GPC3: variants seen among roughly 807,000 people sequenced by gnomAD.
The protein encoded by GPC3 is glypican 3, also known as glypican-3.
GPC3 carries 3 observed loss-of-function variants against 34.4 expected under a neutral mutation model. The observed-to-expected ratio is 0.09, with a 90% CI of 0.04 to 0.23. The LOEUF is 0.23. Among genes scored for constraint, GPC3 ranks in the 10% least tolerant of loss-of-function variants. The pLI, the probability that GPC3 is intolerant of heterozygous loss-of-function variation, is 1.00. For synonymous variants in GPC3, 177 were observed against 174.0 expected, an observed-to-expected ratio of 1.02 and a Z score of -0.13; for missense variants, 351 against 445.6, an observed-to-expected ratio of 0.79 and a Z score of 1.91.
intron 2 of GPC3, among the ~76,000 whole-genome samples, chrX:133,932,527 A>C (rs2076302979): frequency 8.9e-6 from 1 of 111,854 alleles, no homozygotes; most frequent in Admixed American, 9.5e-5. Flanking sequence ...ATATTATTAA[A>C]TCTAAGAATC....
At chrX:133,789,296 C>T (rs182992064) in intron 2 of GPC3, among the ~76,000 whole-genome samples, 10 of 111,949 alleles carry the variant, frequency 8.9e-5, no homozygotes, top group African/African-American at 3.2e-4. Context: ...AACCTGGAAG[C>T]ATTACCCAGT....
At chrX:133,744,392 C>T (rs1027284161) in intron 3 of GPC3, among the ~76,000 whole-genome samples, 2 of 112,499 alleles carry the variant, frequency 1.8e-5, no homozygotes. Flanking sequence ...ATTTATGTGG[C>T]CAACAAACAT....
intron 7 of GPC3, among the ~76,000 whole-genome samples, chrX:133,585,820 C>CA (rs768502243): frequency 8.9e-6 from 1 of 112,441 alleles, no homozygotes; most frequent in East Asian, 2.8e-4. Flanking sequence ...AACTGGCCAA[C>CA]ATGGCTTCTG....
Position 133,787,570 on chromosome X carries a change from G to A in GPC3, c.338-33394C>T, listed in dbSNP as rs191550345. 5.2e-3 allele frequency among the ~76,000 whole-genome samples: 588 copies of A among 112,189 alleles called. 20 individuals are homozygous for A. The highest frequency in any genetic ancestry group is 0.05 in the Admixed American group (535 of 10,616). On this transcript the variant is annotated intron_variant, in intron 2 of 7. Transcript: ENST00000370818. ...AGTTTTGAATAGAATGGACTAAACA[G>A]AGAGTGGCAGGTCCCCCAGGGGCCC... is the stretch of plus-strand genomic sequence containing the variant.
chrX:133,760,034 G>T (rs1325161983), intron 2 of GPC3, among the ~76,000 whole-genome samples: 1 of 111,610 alleles, frequency 9.0e-6, no homozygotes, highest in African/African-American at 3.2e-5. Flanking sequence ...ACTAGAAAAA[G>T]ATATTCAATA....
At chrX:133,594,081 A>T (rs1198680679) in intron 7 of GPC3, among the ~76,000 whole-genome samples, 1 of 110,783 alleles carries the variant, frequency 9.0e-6, no homozygotes, top group African/African-American at 3.3e-5. Context: ...GGGCAACAAG[A>T]GCCAAACTCC....
intron 5 of GPC3, among the ~76,000 whole-genome samples, chrX:133,682,434 T>C (rs999438402): frequency 9.0e-6 from 1 of 111,601 alleles, no homozygotes; most frequent in Non-Finnish European, 1.9e-5. Flanking sequence ...GGAAGAAACA[T>C]GGCCCACACC....
intron 6 of GPC3, among the ~76,000 whole-genome samples, chrX:133,636,559 C>T (rs1350713785): frequency 2.7e-5 from 3 of 112,088 alleles, no homozygotes; most frequent in East Asian, 2.8e-4. Flanking sequence ...CCCAGGTATT[C>T]GGGAGACTGA....
intron 6 of GPC3, among the ~76,000 whole-genome samples, chrX:133,603,152 A>G (rs1291411267): frequency 9.1e-6 from 1 of 109,548 alleles, no homozygotes; most frequent in Non-Finnish European, 1.9e-5. Flanking sequence ...GTTAAAAAAA[A>G]AAAAAAAAGA....
intron 4 of GPC3, among the ~76,000 whole-genome samples, chrX:133,696,691 A>G (rs1456174623): frequency 8.9e-6 from 1 of 111,842 alleles, no homozygotes; most frequent in East Asian, 2.8e-4. Flanking sequence ...TTCCTAGGGG[A>G]AAAAAAAGAG....
chrX:133,844,807 G>A (rs767759808), intron 2 of GPC3, among the ~76,000 whole-genome samples: 2 of 111,594 alleles, frequency 1.8e-5, no homozygotes, highest in Non-Finnish European at 3.8e-5. Flanking sequence ...CAGCATATAA[G>A]GAAAAATTCT....
chrX:133,951,862 T>C (rs1183594008), intron 2 of GPC3, among the ~76,000 whole-genome samples: 1 of 111,844 alleles, frequency 8.9e-6, no homozygotes, highest in Non-Finnish European at 1.9e-5. Flanking sequence ...TCTAAAGATT[T>C]CATTATAATA....
At chrX:133,940,842 C>T (rs1181695530) in intron 2 of GPC3, among the ~76,000 whole-genome samples, 1 of 112,431 alleles carries the variant, frequency 8.9e-6, no homozygotes, top group Non-Finnish European at 1.9e-5. Context: ...TACTTTGATG[C>T]ATGAGATACT....
At chrX:133,828,042 C>G (rs1219502269) in intron 2 of GPC3, among the ~76,000 whole-genome samples, 1 of 107,855 alleles carries the variant, frequency 9.3e-6, no homozygotes, top group Non-Finnish European at 1.9e-5. Context: ...AAGCTGAGAA[C>G]TTAATTGTAG....
At chrX:133,947,087 CAT>C (rs2076372181) in intron 2 of GPC3, among the ~76,000 whole-genome samples, 1 of 111,914 alleles carries the variant, frequency 8.9e-6, no homozygotes, top group Non-Finnish European at 1.9e-5. Context: ...AGAGGAGGAA[CAT>C]ATGTTTTCAG....
chrX:133,569,791 A>G (rs2069610423), intron 7 of GPC3, among the ~76,000 whole-genome samples: 1 of 112,226 alleles, frequency 8.9e-6, no homozygotes, highest in African/African-American at 3.2e-5. Flanking sequence ...AGCAATTTCC[A>G]TCTTGCATAA....
intron 7 of GPC3, among the ~76,000 whole-genome samples, chrX:133,543,084 G>A (rs2069355277): frequency 9.0e-6 from 1 of 111,266 alleles, no homozygotes. Flanking sequence ...GTTTTTAACT[G>A]GTCTAATGGG....
At chrX:133,972,373 T>A (rs1258918672) in intron 1 of GPC3, among the ~76,000 whole-genome samples, 1 of 112,059 alleles carries the variant, frequency 8.9e-6, no homozygotes, top group Non-Finnish European at 1.9e-5. Context: ...GATGGCCAAG[T>A]AAGATATACC....
At chrX:133,656,449 T>C (rs1304965714) in intron 6 of GPC3, among the ~76,000 whole-genome samples, 2 of 112,005 alleles carry the variant, frequency 1.8e-5, no homozygotes, top group Non-Finnish European at 3.8e-5. Context: ...AGACTTCTAA[T>C]GCCCACAGTT....
Sources: gnomAD v4.1 joint callset for allele counts (sites outside exome capture counted in the v4.1 genomes callset) on GRCh38, gnomAD v4.1.1 for gene constraint, MANE v1.5 for transcripts, NCBI Gene and HGNC (gene_info 2026-07-23, HGNC 2026-07-21) for gene names.